The following R3HDM2 variants were observed in gnomAD, a reference collection of about 807,000 sequenced individuals.
R3HDM2 encodes R3H domain-containing protein 2.
In R3HDM2, 38 loss-of-function variants were observed where a neutral mutation model predicts 124.5. The ratio of observed to expected loss-of-function variants is 0.31; its 90% CI spans 0.24 to 0.40. R3HDM2 has a LOEUF of 0.40. Ranked by LOEUF, R3HDM2 falls within the 10% of genes least tolerant of loss-of-function variation. The pLI, the probability that R3HDM2 is intolerant of heterozygous loss-of-function variation, is 1.00. For synonymous variants in R3HDM2, 391 were observed against 448.0 expected, an observed-to-expected ratio of 0.87 and a Z score of 1.61; for missense variants, 869 against 1,236.9, an observed-to-expected ratio of 0.70 and a Z score of 4.46.
intron 1 of R3HDM2, among the ~76,000 whole-genome samples, chr12:57,401,794 G>A (rs554759571): frequency 2.8e-4 from 42 of 152,182 alleles, no homozygotes; most frequent in African/African-American, 9.2e-4. Flanking sequence ...GACCAGCCTG[G>A]CCAACATGGT....
chr12:57,410,699 A>T (rs28546525), intron 1 of R3HDM2, among the ~76,000 whole-genome samples: 6 of 152,134 alleles, frequency 3.9e-5, no homozygotes, highest in African/African-American at 1.4e-4. Flanking sequence ...CAGAAAAATT[A>T]AAAAATTAGC....
At chr12:57,423,613 A>AC (rs2070416144) in intron 1 of R3HDM2, among the ~76,000 whole-genome samples, 1 of 149,962 alleles carries the variant, frequency 6.7e-6, no homozygotes, top group African/African-American at 2.5e-5. Context: ...GGAGTTTGAG[A>AC]CCACCCTGGC....
chr12:57,315,630 A>G (rs1410036749), intron 2 of R3HDM2, among the ~76,000 whole-genome samples: 1 of 152,222 alleles, frequency 6.6e-6, no homozygotes, highest in Non-Finnish European at 1.5e-5. Flanking sequence ...GTGTCCAACC[A>G]CTGTTTCTCA....
intron 2 of R3HDM2, among the ~76,000 whole-genome samples, chr12:57,328,124 T>G (rs887904212): frequency 1.3e-5 from 2 of 150,816 alleles, no homozygotes; most frequent in African/African-American, 2.4e-5. Flanking sequence ...CAGGCTGGAG[T>G]GCAGTGGCGC....
intron 13 of R3HDM2, among the ~76,000 whole-genome samples, chr12:57,282,969 T>C (rs1209352519): frequency 1.3e-5 from 2 of 152,110 alleles, no homozygotes; most frequent in African/African-American, 4.8e-5. Context: ...CAGAAATAGA[T>C]AGAGAAGGTT....
At chr12:57,256,227 C>G (rs2038955913) in intron 22 of R3HDM2, 153 bp from the exon 23 acceptor site, 2 of 899,064 alleles carry the variant, frequency 2.2e-6, no homozygotes, top group East Asian at 2.6e-5. Flanking sequence ...GACTGAGAAA[C>G]AAAGAGCCCC....
intron 2 of R3HDM2, among the ~76,000 whole-genome samples, chr12:57,378,473 G>A (rs895723579): frequency 1.3e-5 from 2 of 152,004 alleles, no homozygotes; most frequent in South Asian, 2.1e-4. Context: ...TTAACCCCAG[G>A]CTCAAGTGAT....
intron 2 of R3HDM2, among the ~76,000 whole-genome samples, chr12:57,353,890 C>T (rs1170243715): frequency 2.0e-5 from 3 of 152,112 alleles, no homozygotes; most frequent in African/African-American, 4.8e-5. Context: ...GAGTCTCGCT[C>T]TGTCACCCAG....
In R3HDM2 at chr12:57,254,911, G is replaced by A; in HGVS notation, c.2835C>T (p.Thr945=). The change falls in exon 24 of 24, where the codon ACC becomes ACT. Residue 945 remains threonine, a synonymous_variant. Transcript: ENST00000402412. Reference sequence around the variant, plus strand: ...GGGGGCTGGGGAACACAGCCACAATGGTGTACAAGGCAGCGAGGTCCGAGT... The same window carrying A: ...GGGGGCTGGGGAACACAGCCACAATAGTGTACAAGGCAGCGAGGTCCGAGT... ...GRHSDLAALY[T]IVAVFPSPLA... The A allele has an allele frequency of 6.2e-7, 1 of 1,614,182 alleles. No individual in the cohort carries two copies. Among genetic ancestry groups the A allele is most frequent in the Non-Finnish European group, 8.5e-7 (1 of 1,180,018 alleles).
chr12:57,411,693 A>G (rs764067324), intron 1 of R3HDM2, among the ~76,000 whole-genome samples: 1 of 152,230 alleles, frequency 6.6e-6, no homozygotes, highest in Non-Finnish European at 1.5e-5. Flanking sequence ...ACCAGATCCC[A>G]ATTCCAAGAC....
At position 57,254,698 on chromosome 12, in the gene R3HDM2, T is replaced by A; in HGVS notation, c.*75A>T. The A allele has an allele frequency of 7.8e-7, 1 of 1,285,456 alleles. No homozygotes were observed. The highest frequency in any genetic ancestry group is 1.1e-6 in the Non-Finnish European group (1 of 931,934). The allele number at this position is 1,285,456 out of a possible 1,614,324, so 79.6% of individuals were successfully genotyped here. A position where few individuals can be genotyped will look rare whatever the true frequency, so the allele number is the denominator to read the frequency against. On this transcript the variant is annotated 3_prime_UTR_variant, in exon 24 of 24. Transcript: ENST00000402412. Reference sequence around the variant, plus strand: ...TTTCCTTACTTCCTGCCTCTGTCCATGGTCTGTCAGGATCCTTCAACCCCC... The same window carrying A: ...TTTCCTTACTTCCTGCCTCTGTCCAAGGTCTGTCAGGATCCTTCAACCCCC...
At position 57,336,320 on chromosome 12, in the gene R3HDM2, A is replaced by C. The variant is rs1016761592; in HGVS notation, c.-35-25857T>G. ...CTGAGTTTATACCTAGAGGAATATA[A>C]ATCATTCTACCAACATAAAGACACA... On this transcript the variant is annotated intron_variant, in intron 2 of 23. Coordinates refer to ENST00000402412, the MANE Select transcript of R3HDM2 (RefSeq NM_001394031.1). Among the ~76,000 whole-genome samples, 3 of 152,150 alleles carry C rather than the reference A, an allele frequency of 2.0e-5. No homozygotes were observed. In the East Asian group the frequency reaches 5.8e-4, roughly 29 times the overall value.
intron 2 of R3HDM2, among the ~76,000 whole-genome samples, chr12:57,312,034 A>G (rs1329394247): frequency 2.6e-5 from 4 of 152,236 alleles, no homozygotes; most frequent in African/African-American, 9.7e-5. Flanking sequence ...TATACAGGTT[A>G]CTGACTGTAC....
chr12:57,387,005 T>C (rs2065933919), intron 2 of R3HDM2, among the ~76,000 whole-genome samples: 1 of 152,120 alleles, frequency 6.6e-6, no homozygotes, highest in African/African-American at 2.4e-5. Context: ...ACACTCTGTA[T>C]CTAGCTAATC....
At chr12:57,310,110 C>T (rs1450774574) in intron 3 of R3HDM2, among the ~76,000 whole-genome samples, 154 bp downstream of exon 3, 1 of 152,028 alleles carries the variant, frequency 6.6e-6, no homozygotes, top group Non-Finnish European at 1.5e-5. Flanking sequence ...ACTTGGGAGG[C>T]TGACGTGGGA....
rs56412130 is a variant in R3HDM2, at chr12:57,410,318, T to TAA, written c.-105-14502_-105-14501dup. ...CATTACCAGGGAGGTAGTATAACCT[T>TAA]AAAAAAAAAAAAAAAAAAAAAAAAC... On this transcript the variant is annotated intron_variant, in intron 1 of 23. Coordinates refer to ENST00000402412, the MANE Select transcript of R3HDM2 (RefSeq NM_001394031.1). Among the ~76,000 whole-genome samples the TAA allele has an allele frequency of 1.7e-3, 170 of 100,098 alleles. 1 individual carries two copies. Among genetic ancestry groups the TAA allele is most frequent in the Admixed American group, 8.5e-3 (79 of 9,254 alleles). 65.7% of individuals were successfully genotyped at this position (100,098 alleles called of 152,430 possible). A position where few individuals can be genotyped will look rare whatever the true frequency, so the allele number is the denominator to read the frequency against.
chr12:57,305,423 T>C (rs899192886), intron 3 of R3HDM2, among the ~76,000 whole-genome samples: 1 of 152,170 alleles, frequency 6.6e-6, no homozygotes, highest in African/African-American at 2.4e-5. Context: ...TATATAAATA[T>C]AGTATATCTG....
At chr12:57,352,347 G>C (rs1423372572) in intron 2 of R3HDM2, among the ~76,000 whole-genome samples, 1 of 151,268 alleles carries the variant, frequency 6.6e-6, no homozygotes, top group East Asian at 1.9e-4. Context: ...TGGAGTCATA[G>C]ATCATATCTC....
intron 1 of R3HDM2, among the ~76,000 whole-genome samples, chr12:57,406,380 AG>A (rs2068528991): frequency 6.6e-6 from 1 of 152,184 alleles, no homozygotes; most frequent in East Asian, 1.9e-4. Context: ...TTTAAATTGA[AG>A]AGTCCATAAT....
Sources: allele counts gnomAD v4.1 joint callset (sites outside exome capture counted in the v4.1 genomes callset), GRCh38; gene constraint gnomAD v4.1.1; transcripts MANE v1.5; gene names NCBI Gene and HGNC (gene_info 2026-07-23, HGNC 2026-07-21).